Variants in TRAF3 observed in about 807,000 individuals in gnomAD.
TRAF3 encodes the protein TNF receptor-associated factor 3.
A neutral mutation model predicts 62.3 loss-of-function variants in TRAF3; 13 were observed. The ratio of observed to expected loss-of-function variants is 0.21; its 90% CI spans 0.14 to 0.33. The LOEUF is 0.33. Among genes scored for constraint, TRAF3 ranks in the 10% least tolerant of loss-of-function variants. The probability of loss-of-function intolerance (pLI) is 1.00; values close to 1 mark genes in which losing one functional copy is unlikely to be tolerated. For synonymous variants in TRAF3, 269 were observed against 283.4 expected, an observed-to-expected ratio of 0.95 and a Z score of 0.51; for missense variants, 440 against 741.8, an observed-to-expected ratio of 0.59 and a Z score of 4.73.
chr14:102,844,174 A>G (rs1447986607), intron 2 of TRAF3, among the ~76,000 whole-genome samples: 1 of 152,270 alleles, frequency 6.6e-6, no homozygotes, highest in Non-Finnish European at 1.5e-5. Context: ...TAATTGACCT[A>G]TACAGTTCTT....
intron 1 of TRAF3, among the ~76,000 whole-genome samples, chr14:102,796,602 C>T (rs764761423): frequency 7.2e-5 from 11 of 152,128 alleles, no homozygotes; most frequent in Non-Finnish European, 1.0e-4. Flanking sequence ...TCTGCATTGG[C>T]GATTGTTGTC....
At chr14:102,891,856 A>G (rs1047338480) in intron 9 of TRAF3, among the ~76,000 whole-genome samples, 11 of 152,166 alleles carry the variant, frequency 7.2e-5, no homozygotes, top group Middle Eastern at 3.2e-3. Flanking sequence ...TCTTTACAGA[A>G]TAAGTTTGCC....
At chr14:102,834,083 C>T (rs1234162350) in intron 2 of TRAF3, among the ~76,000 whole-genome samples, 1 of 152,006 alleles carries the variant, frequency 6.6e-6, no homozygotes, top group African/African-American at 2.4e-5. Context: ...ACCTTCTTCA[C>T]AGAACTAGAA....
chr14:102,900,957 A>G (rs1313662036), intron 10 of TRAF3, among the ~76,000 whole-genome samples: 1 of 152,216 alleles, frequency 6.6e-6, no homozygotes, highest in Non-Finnish European at 1.5e-5. Context: ...CCGTTCTTCA[A>G]GGATGAAATC....
At chr14:102,880,251 G>C (rs1888972109) in intron 6 of TRAF3, among the ~76,000 whole-genome samples, 1 of 152,202 alleles carries the variant, frequency 6.6e-6, no homozygotes, top group Admixed American at 6.5e-5. Flanking sequence ...GGCCAAAGCA[G>C]GAGGATTGCT....
chr14:102,911,156 G>A lies in TRAF3; in HGVS notation c.*5372G>A, dbSNP rs1048537165. On this transcript the variant is annotated 3_prime_UTR_variant, in exon 12 of 12. Coordinates refer to ENST00000392745, the MANE Select transcript of TRAF3 (RefSeq NM_145725.3). ...TGCGTCTGTAGTAGCCGCTTGCTGT[G>A]AAGACACATCTTGACAGTCCAAGTG... is the stretch of plus-strand genomic sequence containing the variant. 5.3e-5 allele frequency: 8 copies of A among 152,182 alleles called. No individual in the cohort carries two copies. Among genetic ancestry groups the A allele is most frequent in the Admixed American group, 4.6e-4 (7 of 15,276 alleles). 9.4% of individuals were successfully genotyped at this position (152,182 alleles called of 1,614,324 possible). A position where few individuals can be genotyped will look rare whatever the true frequency, so the allele number is the denominator to read the frequency against.
chr14:102,830,530 GCCTGTA>G (rs1315810970), intron 2 of TRAF3, 58 bp downstream of exon 2: 1 of 152,154 alleles, frequency 6.6e-6, no homozygotes, highest in Non-Finnish European at 1.5e-5. Context: ...TCAGAAAGAG[GCCTGTA>G]ATAACAACAG....
intron 1 of TRAF3, among the ~76,000 whole-genome samples, chr14:102,793,337 A>G (rs1451998642): frequency 6.6e-6 from 1 of 151,132 alleles, no homozygotes; most frequent in Non-Finnish European, 1.5e-5. Flanking sequence ...TTTTTTTTGT[A>G]CAGATGAGGT....
At chr14:102,824,670 T>C (rs1026570436) in intron 1 of TRAF3, among the ~76,000 whole-genome samples, 1 of 152,264 alleles carries the variant, frequency 6.6e-6, no homozygotes, top group African/African-American at 2.4e-5. Context: ...TTCCATAGTT[T>C]GCATCAAATT....
intron 8 of TRAF3, 129 bp from the exon 9 acceptor site, chr14:102,891,196 C>T: frequency 1.1e-6 from 1 of 884,230 alleles, no homozygotes; most frequent in Non-Finnish European, 1.8e-6. Flanking sequence ...GCAGAGATTC[C>T]CTGTTCACTT....
At chr14:102,813,931 A>G (rs2139536418) in intron 1 of TRAF3, among the ~76,000 whole-genome samples, 2 of 152,094 alleles carry the variant, frequency 1.3e-5, no homozygotes, top group Non-Finnish European at 2.9e-5. Context: ...AATCCCATTC[A>G]TTTATGTTTG....
At chr14:102,889,377 G>A (rs1889581058) in intron 7 of TRAF3, among the ~76,000 whole-genome samples, 183 bp from the exon 8 acceptor site, 1 of 152,188 alleles carries the variant, frequency 6.6e-6, no homozygotes, top group African/African-American at 2.4e-5. Flanking sequence ...GCGTATATGT[G>A]TATACACGTG....
Position 102,789,592 on chromosome 14 carries a change from A to ATGTG in TRAF3, c.-157+11918_-157+11919insGTGT, listed in dbSNP as rs1482075128. Among the ~76,000 whole-genome samples, 45 of 106,680 alleles carry ATGTG rather than the reference A, an allele frequency of 4.2e-4. 1 individual carries two copies. The highest frequency in any genetic ancestry group is 2.4e-3 in the Admixed American group (23 of 9,764). The allele number at this position is 106,680 out of a possible 152,430, so 70.0% of individuals were successfully genotyped here. On this transcript the variant is annotated intron_variant, in intron 1 of 11. Coordinates refer to ENST00000392745, the MANE Select transcript of TRAF3 (RefSeq NM_145725.3). ...TCACACTTATGAACTACAAAAGGATATATGTGTGTGTGTGTGTGTGTGTGT... is the reference window on the plus strand; with the variant it reads ...TCACACTTATGAACTACAAAAGGATATGTGTATGTGTGTGTGTGTGTGTGTGTGT...
In TRAF3 at chr14:102,807,494, T is replaced by C. The variant is rs532478912; in HGVS notation, c.-156-22840T>C. On this transcript the variant is annotated intron_variant, in intron 1 of 11. Transcript: ENST00000392745. ...TTCTTGTGGAGATGGGGTCTTGCTA[T>C]GCTGCCCAGGCCGGTCTTGGTCTCC... Among the ~76,000 whole-genome samples, 178 of 152,354 alleles carry C rather than the reference T, an allele frequency of 1.2e-3. 2 individuals are homozygous for C. Among genetic ancestry groups the C allele is most frequent in the Middle Eastern group, 6.8e-3 (2 of 294 alleles).
intron 2 of TRAF3, among the ~76,000 whole-genome samples, chr14:102,833,135 C>G (rs935028539): frequency 6.6e-6 from 1 of 152,194 alleles, no homozygotes; most frequent in African/African-American, 2.4e-5. Flanking sequence ...TGCTGGTGTT[C>G]TGTCTTCTTG....
chr14:102,869,728 C>T (rs943893812), intron 2 of TRAF3, among the ~76,000 whole-genome samples: 3 of 151,752 alleles, frequency 2.0e-5, no homozygotes, highest in African/African-American at 4.8e-5. Context: ...ATGGCATGAA[C>T]CTGGGAGGCG....
intron 4 of TRAF3, among the ~76,000 whole-genome samples, chr14:102,874,210 A>T (rs1480747225): frequency 6.6e-6 from 1 of 152,178 alleles, no homozygotes; most frequent in Non-Finnish European, 1.5e-5. Context: ...GGGTGTAGTG[A>T]AGCCATGATT....
chr14:102,891,592 A>G (rs1023761154), intron 9 of TRAF3, among the ~76,000 whole-genome samples, 175 bp downstream of exon 9: 2 of 152,160 alleles, frequency 1.3e-5, no homozygotes, highest in African/African-American at 4.8e-5. Flanking sequence ...TATTTTTGTT[A>G]TTTGTTTTTT....
intron 1 of TRAF3, among the ~76,000 whole-genome samples, chr14:102,795,625 G>A (rs1283762500): frequency 4.1e-5 from 1 of 24,640 alleles, no homozygotes; most frequent in Admixed American, 4.5e-4. Flanking sequence ...TGTGTGCATA[G>A]TTTTCATCCA....
Sources: allele counts gnomAD v4.1 joint callset (sites outside exome capture counted in the v4.1 genomes callset), GRCh38; gene constraint gnomAD v4.1.1; transcripts MANE v1.5; gene names NCBI Gene and HGNC (gene_info 2026-07-23, HGNC 2026-07-21).